The following MMP26 variants were observed in gnomAD, a reference collection of about 807,000 sequenced individuals.
The protein encoded by MMP26 is matrix metalloproteinase-26.
MMP26 carries 33 observed loss-of-function variants against 31.0 expected under a neutral mutation model. That is an observed-to-expected ratio of 1.06 (90% CI 0.81 to 1.42). MMP26 has a LOEUF of 1.42. Among genes scored for constraint, MMP26 ranks in the 40% most tolerant of loss-of-function variants. MMP26 has a pLI of 0.00. For missense variants in MMP26, 347 were observed against 316.1 expected, an observed-to-expected ratio of 1.10 and a Z score of -0.74; for synonymous variants, 122 against 114.9, an observed-to-expected ratio of 1.06 and a Z score of -0.40.
chr11:4,987,823 T>C (rs1397270452), intron 2 of MMP26, among the ~76,000 whole-genome samples: 1 of 152,196 alleles, frequency 6.6e-6, no homozygotes, highest in African/African-American at 2.4e-5. Flanking sequence ...GGAGCAAGAT[T>C]GAATGTCTCT....
intron 2 of MMP26, among the ~76,000 whole-genome samples, chr11:4,970,502 C>T (rs1846650978): frequency 6.6e-6 from 1 of 152,170 alleles, no homozygotes; most frequent in African/African-American, 2.4e-5. Context: ...ACCTTGAAAG[C>T]TCTTGATGTG....
intron 2 of MMP26, among the ~76,000 whole-genome samples, chr11:4,940,869 T>C (rs1449375192): frequency 6.6e-6 from 1 of 152,158 alleles, no homozygotes; most frequent in Non-Finnish European, 1.5e-5. Context: ...GCTAGTTGTT[T>C]TAGCGTCCCA....
chr11:4,812,070 C>T (rs1366306856), intron 2 of MMP26, among the ~76,000 whole-genome samples: 1 of 152,090 alleles, frequency 6.6e-6, no homozygotes, highest in Non-Finnish European at 1.5e-5. Flanking sequence ...TTACGATAAA[C>T]TTATAGTCAC....
At chr11:4,837,888 T>C (rs547693570) in intron 2 of MMP26, among the ~76,000 whole-genome samples, 1 of 152,082 alleles carries the variant, frequency 6.6e-6, no homozygotes, top group African/African-American at 2.4e-5. Context: ...TAAAGTAACA[T>C]TGATTACTAT....
rs192923535 is a variant in MMP26, at chr11:4,873,382, C to A, written c.-145+106041C>A. Among the ~76,000 whole-genome samples, 19 of 152,166 alleles carry A rather than the reference C, an allele frequency of 1.2e-4. No individual in the cohort carries two copies. The East Asian group carries it at 1.5e-3, about 12-fold the overall frequency. ...TCATCTTTGGTTTATCTGAGACTTG[C>A]TTTCACTAAATCCTTTACAGTAAGC... On this transcript the variant is annotated intron_variant, in intron 2 of 7. Transcript: ENST00000380390.
At chr11:4,904,726 T>C (rs1188165507) in intron 2 of MMP26, among the ~76,000 whole-genome samples, 1 of 152,038 alleles carries the variant, frequency 6.6e-6, no homozygotes, top group African/African-American at 2.4e-5. Flanking sequence ...GTGAAAAGAA[T>C]GGACATCAAT....
chr11:4,836,494 G>T (rs112272777), intron 2 of MMP26, among the ~76,000 whole-genome samples: 1 of 150,846 alleles, frequency 6.6e-6, no homozygotes, highest in Non-Finnish European at 1.5e-5. Flanking sequence ...GTGAGAAAAA[G>T]AATGTATTTA....
chr11:4,929,455 A>AAAATTAGC (rs3065928), intron 2 of MMP26, among the ~76,000 whole-genome samples: 12,372 of 152,120 alleles, frequency 0.081, 704 homozygotes, highest in East Asian at 0.25. Flanking sequence ...TCAGAAGAAA[A>AAAATTAGC]AAATTAGCAT....
At chr11:4,816,524 G>A (rs1336699043) in intron 2 of MMP26, among the ~76,000 whole-genome samples, 3 of 147,638 alleles carry the variant, frequency 2.0e-5, no homozygotes, top group South Asian at 2.1e-4. Flanking sequence ...AAAAAAAAAA[G>A]CTTTTCTTTA....
In MMP26 at chr11:4,781,528, T is replaced by C. The variant is rs576138787; in HGVS notation, c.-145+14187T>C. Among the ~76,000 whole-genome samples the C allele has an allele frequency of 9.7e-5, 5 of 51,638 alleles. No individual in the cohort carries two copies. The East Asian group carries it at 1.7e-3, about 17-fold the overall frequency. The allele number at this position is 51,638 out of a possible 152,430, so 33.9% of individuals were successfully genotyped here. On this transcript the variant is annotated intron_variant, in intron 2 of 7. Coordinates refer to ENST00000380390, the MANE Select transcript of MMP26 (RefSeq NM_021801.5). ...CGCCACTGCAGTCCGCAGTCCGGCC[T>C]GGGCGACAGAGCGAGACTCCGTCTC... is the stretch of plus-strand genomic sequence containing the variant.
At chr11:4,987,863 TA>T (rs1226469175) in intron 2 of MMP26, among the ~76,000 whole-genome samples, 1 of 152,216 alleles carries the variant, frequency 6.6e-6, no homozygotes, top group Non-Finnish European at 1.5e-5. Context: ...GATAAAGCTG[TA>T]ATGAGTTTCG....
At chr11:4,931,081 AAG>A (rs1193931867) in intron 2 of MMP26, among the ~76,000 whole-genome samples, 1 of 151,686 alleles carries the variant, frequency 6.6e-6, no homozygotes, top group Non-Finnish European at 1.5e-5. Context: ...GCAAGAGAGG[AAG>A]AGAGAGAGAG....
intron 1 of MMP26, among the ~76,000 whole-genome samples, chr11:4,705,772 G>C (rs1474636948): frequency 6.6e-6 from 1 of 152,086 alleles, no homozygotes; most frequent in African/African-American, 2.4e-5. Flanking sequence ...GGCAGATCAC[G>C]AGGTCAGGAG....
chr11:4,848,106 G>T, intron 2 of MMP26: 1 of 953,034 alleles, frequency 1.0e-6, no homozygotes, highest in Non-Finnish European at 1.6e-6. Flanking sequence ...TACTTCCAGG[G>T]ACAGGAAGCT....
At chr11:4,779,841 C>G (rs1848835224) in intron 2 of MMP26, among the ~76,000 whole-genome samples, 1 of 152,056 alleles carries the variant, frequency 6.6e-6, no homozygotes, top group Non-Finnish European at 1.5e-5. Context: ...TTACTGACAT[C>G]TCTCCTTCAA....
Position 4,849,342 on chromosome 11 carries a change from A to G in MMP26, c.-145+82001A>G, listed in dbSNP as rs1231614009. 3.7e-6 allele frequency: 3 copies of G among 810,612 alleles called. No homozygotes were observed. In the African/African-American group the frequency reaches 5.1e-5, roughly 14 times the overall value. The allele number at this position is 810,612 out of a possible 1,614,324, so 50.2% of individuals were successfully genotyped here. On this transcript the variant is annotated intron_variant, in intron 2 of 7. Transcript: ENST00000380390. ...TTCCCTGACTCATGCACTCACATAC[A>G]CGTACACATATACACATTTCCTCCC...
chr11:4,854,851 C>G (rs1459534545), intron 2 of MMP26, among the ~76,000 whole-genome samples: 2 of 152,188 alleles, frequency 1.3e-5, no homozygotes, highest in African/African-American at 4.8e-5. Flanking sequence ...CTGGTTGCCC[C>G]TCTGAGACGA....
At chr11:4,990,140 T>C (rs1408754244) in intron 4 of MMP26, among the ~76,000 whole-genome samples, 3 of 152,210 alleles carry the variant, frequency 2.0e-5, no homozygotes, top group East Asian at 3.8e-4. Flanking sequence ...TGGATGGTTC[T>C]AAGGTACAAT....
intron 2 of MMP26, among the ~76,000 whole-genome samples, chr11:4,891,786 A>T (rs1462033257): frequency 1.3e-5 from 2 of 152,152 alleles, no homozygotes; most frequent in Admixed American, 6.5e-5. Context: ...AGCTCAACAT[A>T]CACTTTCACA....
Sources: allele counts gnomAD v4.1 joint callset (sites outside exome capture counted in the v4.1 genomes callset), GRCh38; gene constraint gnomAD v4.1.1; transcripts MANE v1.5; gene names NCBI Gene and HGNC (gene_info 2026-07-23, HGNC 2026-07-21).